The following THUMPD3 variants were observed in gnomAD, a reference collection of about 807,000 sequenced individuals.
THUMPD3 encodes the protein tRNA (guanine(6)-N(2))-methyltransferase THUMP3.
Under a neutral mutation model 54.5 loss-of-function variants are expected in THUMPD3, and 44 were observed. The ratio of observed to expected loss-of-function variants is 0.81; its 90% CI spans 0.63 to 1.04. The LOEUF is 1.04. THUMPD3 is among the 50% of genes least tolerant of loss of function. The pLI is 0.00. For missense variants in THUMPD3, 604 were observed against 601.3 expected (o/e 1.00, Z -0.05); for synonymous variants, 196 against 201.4 (o/e 0.97, Z 0.23).
Position 9,384,918 on chromosome 3 carries a change from T to G in THUMPD3, c.*230T>G. ...TCCAGCAGTTTAGGAAGCCGAAGTG[T>G]GCAGATCACCTGAGGTCCGGAGACC... On this transcript the variant is annotated 3_prime_UTR_variant, in exon 10 of 10. Coordinates refer to ENST00000452837, the MANE Select transcript of THUMPD3 (RefSeq NM_001114092.2). 1.9e-5 allele frequency: 9 copies of G among 482,316 alleles called. No individual in the cohort carries two copies. Among genetic ancestry groups the G allele is most frequent in the Non-Finnish European group, 3.0e-5 (8 of 269,622 alleles). 29.9% of individuals were successfully genotyped at this position (482,316 alleles called of 1,614,324 possible).
intron 1 of THUMPD3, chr3:9,363,892 G>A (rs2125303043): frequency 7.1e-6 from 1 of 141,756 alleles, no homozygotes; most frequent in East Asian, 2.0e-4. Context: ...CTCCCAAGTA[G>A]CTGGACTCCA....
chr3:9,375,307 TTATGTG>T (rs1350165076), intron 5 of THUMPD3, among the ~76,000 whole-genome samples: 2 of 152,246 alleles, frequency 1.3e-5, no homozygotes, highest in African/African-American at 4.8e-5. Flanking sequence ...GCAGAGATTT[TTATGTG>T]TATAACGTGT....
intron 3 of THUMPD3, 146 bp from the exon 4 acceptor site, chr3:9,370,914 T>G: frequency 1.5e-6 from 1 of 680,142 alleles, no homozygotes; most frequent in South Asian, 2.0e-5. Flanking sequence ...ATGAGGGACT[T>G]TTGAGCATCT....
intron 7 of THUMPD3, among the ~76,000 whole-genome samples, chr3:9,382,064 T>C (rs944262342): frequency 6.6e-6 from 1 of 152,136 alleles, no homozygotes; most frequent in African/African-American, 2.4e-5. Context: ...ATTACAGGCA[T>C]GAGCCACTGT....
rs530420877 is a variant in THUMPD3 at position 9,366,938 on chromosome 3, T to C, written c.283T>C (p.Phe95Leu). 2.5e-6 allele frequency: 4 copies of C among 1,613,612 alleles called. No homozygotes were observed. Among genetic ancestry groups the C allele is most frequent in the African/African-American group, 1.3e-5 (1 of 75,018 alleles). Residue 95 changes from phenylalanine (F) to leucine (L), a missense_variant, in exon 3 of 10, where the codon TTT becomes CTT. Transcript: ENST00000452837. ...TTGTCTGAGATCAGTTGATAACTTA[T>C]TTGTGGTGGTTCAGGAGTTTCAAGA... is the stretch of plus-strand genomic sequence containing the variant. ...VHCLRSVDNL[F>L]VVVQEFQDYQ...
At chr3:9,379,919 G>A (rs1559309838) in intron 6 of THUMPD3, among the ~76,000 whole-genome samples, 1 of 152,028 alleles carries the variant, frequency 6.6e-6, no homozygotes, top group Non-Finnish European at 1.5e-5. Context: ...CAAACTCCTG[G>A]GCTCAAGAAA....
At chr3:9,366,765 G>A in intron 2 of THUMPD3, 143 bp from the exon 3 acceptor site, 1 of 597,358 alleles carries the variant, frequency 1.7e-6, no homozygotes, top group Non-Finnish European at 2.8e-6. Context: ...GAGAAACTAG[G>A]GAGATGGGAC....
At chr3:9,379,266 A>C (rs979057313) in intron 6 of THUMPD3, among the ~76,000 whole-genome samples, 2 of 151,950 alleles carry the variant, frequency 1.3e-5, no homozygotes, top group Non-Finnish European at 2.9e-5. Context: ...CCTTCCTCAA[A>C]CTCTAGGTCC....
At position 9,383,206 on chromosome 3, in the gene THUMPD3, T is replaced by A. The variant is rs2125334811; in HGVS notation, c.1132T>A (p.Ser378Thr). 1.2e-6 allele frequency: 2 copies of A among 1,613,168 alleles called. No homozygotes were observed. The highest frequency in any genetic ancestry group is 4.5e-5 in the East Asian group (2 of 44,870). The change falls in exon 8 of 10, where the codon TCC (serine) becomes ACC (threonine). Residue 378 changes from serine to threonine, a missense_variant. Physicochemically the swap from Ser to Thr is moderately conservative, Grantham distance 58. Transcript: ENST00000452837. ...TKSQIKEGKP[S>T]WGLPIDAVQW... ...TTTCCTTTGTCCCCACAGCAAACCC[T>A]CCTGGGGCTTGCCCATAGATGCTGT... is the stretch of plus-strand genomic sequence containing the variant.
chr3:9,364,833 TTAA>T (rs1467770737), intron 1 of THUMPD3, among the ~76,000 whole-genome samples, 180 bp from the exon 2 acceptor site: 2 of 152,274 alleles, frequency 1.3e-5, no homozygotes, highest in Non-Finnish European at 2.9e-5. Flanking sequence ...TATTGCTTCT[TTAA>T]TAATAACATC....
At chr3:9,379,226 A>G (rs2032695624) in intron 6 of THUMPD3, among the ~76,000 whole-genome samples, 1 of 151,772 alleles carries the variant, frequency 6.6e-6, no homozygotes, top group Non-Finnish European at 1.5e-5. Context: ...AAAAAAAAAA[A>G]GAATATTTGG....
At chr3:9,377,548 T>A (rs2032556269) in intron 5 of THUMPD3, among the ~76,000 whole-genome samples, 1 of 152,110 alleles carries the variant, frequency 6.6e-6, no homozygotes, top group Admixed American at 6.6e-5. Context: ...TAATTTTTTG[T>A]ATTTTTAGTG....
At position 9,371,369 on chromosome 3, in the gene THUMPD3, G is replaced by T. The variant is rs1363324537; in HGVS notation, c.640G>T (p.Glu214Ter). The T allele has an allele frequency of 6.2e-7, 1 of 1,614,158 alleles. No individual in the cohort carries two copies. The highest frequency in any genetic ancestry group is 8.5e-7 in the Non-Finnish European group (1 of 1,180,032). ...DLASCKDETD[E>*]SSKEETEPQV... ...GGCATCTTGCAAAGATGAGACTGATGAAAGCTCAAAAGAAGAAACTGAGCC... is the reference window on the plus strand; with the variant it reads ...GGCATCTTGCAAAGATGAGACTGATTAAAGCTCAAAAGAAGAAACTGAGCC... The change falls in exon 4 of 10, where the codon GAA (glutamate) becomes TAA (stop). Residue 214 changes from glutamate (E) to a stop codon, truncating the protein, a stop_gained. Transcript: ENST00000452837. LOFTEE classifies it high-confidence loss of function.
At chr3:9,378,032 C>T in intron 6 of THUMPD3, 144 bp downstream of exon 6, 2 of 655,190 alleles carry the variant, frequency 3.1e-6, no homozygotes, top group East Asian at 5.6e-5. Flanking sequence ...GAAAGTGGAA[C>T]TTTTTTGTAA....
At chr3:9,382,806 A>G (rs1011130066) in intron 7 of THUMPD3, 1 of 157,524 alleles carries the variant, frequency 6.3e-6, no homozygotes, top group Admixed American at 6.2e-5. Context: ...AGCTCACTGC[A>G]TCTTTCAACT....
chr3:9,372,302 G>A lies in THUMPD3; in HGVS notation c.807+766G>A, dbSNP rs536760862. On this transcript the variant is annotated intron_variant, in intron 4 of 9. Transcript: ENST00000452837. ...CTGAAAAAATAAAATAAGGCTGGGC[G>A]CAGTGGCTCACGCCTGTAATCCCAG... Among the ~76,000 whole-genome samples, 148 of 152,300 alleles carry A rather than the reference G, an allele frequency of 9.7e-4. No individual in the cohort carries two copies. In the Middle Eastern group the frequency reaches 0.01, roughly 11 times the overall value.
chr3:9,377,706 G>A (rs985825877), intron 5 of THUMPD3, 113 bp from the exon 6 acceptor site: 2 of 729,456 alleles, frequency 2.7e-6, no homozygotes, highest in Admixed American at 2.5e-5. Flanking sequence ...GTGTAGATTG[G>A]TGTTCCTTCG....
In THUMPD3 at chr3:9,371,480, G is replaced by A; in HGVS notation, c.751G>A (p.Gly251Ser). 1 of 1,614,114 alleles carries A rather than the reference G, an allele frequency of 6.2e-7. No homozygotes were observed. The highest frequency in any genetic ancestry group is 8.5e-7 in the Non-Finnish European group (1 of 1,180,020). Residue 251 changes from glycine to serine, a missense_variant, in exon 4 of 10, where the codon GGT (glycine) becomes AGT (serine). Transcript: ENST00000452837. ...TSNEAARDFGGAVQDYFKWKA... is the reference protein window; with the variant it reads ...TSNEAARDFGSAVQDYFKWKA... ...AAATGAGGCTGCAAGAGATTTTGGG[G>A]GTGCTGTTCAAGATTATTTTAAGTG...
rs757958263 is a variant in THUMPD3 at position 9,384,735 on chromosome 3, T to A, written c.*47T>A. ...CTTCCCACCACTGGAAATGTTAGCA[T>A]AAAAGAACTTGGAGAGGAAAAAAGT... On this transcript the variant is annotated 3_prime_UTR_variant, in exon 10 of 10. Coordinates refer to ENST00000452837, the MANE Select transcript of THUMPD3 (RefSeq NM_001114092.2). 2 of 1,606,174 alleles carry A rather than the reference T, an allele frequency of 1.2e-6. No individual in the cohort carries two copies. Among genetic ancestry groups the A allele is most frequent in the Admixed American group, 3.4e-5 (2 of 59,490 alleles).
Sources: gnomAD v4.1 joint callset for allele counts (sites outside exome capture counted in the v4.1 genomes callset) on GRCh38, gnomAD v4.1.1 for gene constraint, MANE v1.5 for transcripts, NCBI Gene and HGNC (gene_info 2026-07-23, HGNC 2026-07-21) for gene names.